The following SNX29 variants were observed in gnomAD, a reference collection of about 807,000 sequenced individuals.
The protein encoded by SNX29 is sorting nexin-29.
Under a neutral mutation model 102.1 loss-of-function variants are expected in SNX29, and 78 were observed. The ratio of observed to expected loss-of-function variants is 0.76; its 90% CI spans 0.64 to 0.92. The LOEUF is 0.92. Ranked by LOEUF, SNX29 falls within the 40% of genes least tolerant of loss-of-function variation. The probability of loss-of-function intolerance (pLI) is 0.00; values close to 1 mark genes in which losing one functional copy is unlikely to be tolerated. For missense variants in SNX29, 1,280 were observed against 1,061.7 expected (o/e 1.21, Z -2.86); for synonymous variants, 580 against 414.5 (o/e 1.40, Z -4.85).
chr16:12,527,864 G>A (rs928995449), intron 20 of SNX29, among the ~76,000 whole-genome samples: 22 of 142,994 alleles, frequency 1.5e-4, no homozygotes, highest in African/African-American at 3.9e-4. Flanking sequence ...TCGCTCTGTC[G>A]GCCAAACTGG....
intron 4 of SNX29, among the ~76,000 whole-genome samples, chr16:12,040,548 G>A (rs1347010003): frequency 2.0e-5 from 3 of 150,644 alleles, no homozygotes; most frequent in Non-Finnish European, 2.9e-5. Context: ...TCCTCAGACT[G>A]AGTAATTCGA....
intron 14 of SNX29, among the ~76,000 whole-genome samples, chr16:12,210,132 C>T (rs2077144772): frequency 1.3e-5 from 2 of 152,138 alleles, no homozygotes; most frequent in African/African-American, 4.8e-5. Flanking sequence ...CCTGTCATCC[C>T]ACTACGTCGG....
intron 20 of SNX29, among the ~76,000 whole-genome samples, chr16:12,533,836 A>C (rs755526250): frequency 6.6e-6 from 1 of 152,178 alleles, no homozygotes; most frequent in African/African-American, 2.4e-5. Context: ...CACCAGGCTG[A>C]TTCCTGTTAT....
chr16:12,200,487 CT>C (rs35068951), intron 14 of SNX29, among the ~76,000 whole-genome samples: 112,182 of 148,544 alleles, frequency 0.76, 46,320 homozygotes, highest in Non-Finnish European at 0.92. Context: ...ATTCACGTGT[CT>C]TTTTTTTTTT....
At chr16:12,506,950 C>A (rs535891192) in intron 19 of SNX29, among the ~76,000 whole-genome samples, 1 of 152,312 alleles carries the variant, frequency 6.6e-6, no homozygotes, top group Admixed American at 6.5e-5. Context: ...TCTGACAAAG[C>A]TCTGAACTGC....
At chr16:12,176,106 C>T (rs150011837) in intron 13 of SNX29, among the ~76,000 whole-genome samples, 43 of 152,292 alleles carry the variant, frequency 2.8e-4, no homozygotes, top group African/African-American at 1.0e-3. Context: ...AGGCAGCCAT[C>T]TACAAATCAA....
intron 14 of SNX29, among the ~76,000 whole-genome samples, chr16:12,274,637 A>G (rs908634874): frequency 1.2e-4 from 18 of 151,966 alleles, no homozygotes; most frequent in African/African-American, 4.4e-4. Context: ...CCGAGGCTCA[A>G]GCGATCCTTC....
chr16:12,515,451 T>C (rs2089821345), intron 19 of SNX29: 1 of 475,712 alleles, frequency 2.1e-6, no homozygotes, highest in Admixed American at 2.3e-5. Flanking sequence ...ACCCCTGAAA[T>C]AGATCAGTCA....
intron 13 of SNX29, among the ~76,000 whole-genome samples, chr16:12,188,280 A>T (rs1286781408): frequency 6.6e-6 from 1 of 152,232 alleles, no homozygotes; most frequent in African/African-American, 2.4e-5. Context: ...TACTTTCATC[A>T]TCCCATTTTA....
At chr16:12,114,982 C>G (rs973079422) in intron 11 of SNX29, among the ~76,000 whole-genome samples, 1 of 152,178 alleles carries the variant, frequency 6.6e-6, no homozygotes, top group Non-Finnish European at 1.5e-5. Context: ...TGGTGCCCTG[C>G]TAGCAGTTGC....
At chr16:12,542,277 A>T (rs1159347826) in intron 20 of SNX29, among the ~76,000 whole-genome samples, 1 of 150,680 alleles carries the variant, frequency 6.6e-6, no homozygotes, top group African/African-American at 2.4e-5. Context: ...GGCATGGAGA[A>T]ATGGAGGAAC....
intron 18 of SNX29, among the ~76,000 whole-genome samples, chr16:12,430,273 G>A (rs1335417130): frequency 6.6e-6 from 1 of 152,218 alleles, no homozygotes; most frequent in Admixed American, 6.5e-5. Flanking sequence ...GTTGGGAACT[G>A]CTGCTTTATT....
intron 18 of SNX29, among the ~76,000 whole-genome samples, chr16:12,440,591 TCCCACCCTCCA>T (rs1290917055): frequency 6.6e-6 from 1 of 152,142 alleles, no homozygotes; most frequent in Non-Finnish European, 1.5e-5. Context: ...CTCTCCCTCC[TCCCACCCTCCA>T]CCCACCAGAA....
chr16:12,121,768 T>C (rs80347318), intron 11 of SNX29, among the ~76,000 whole-genome samples: 4,135 of 152,098 alleles, frequency 0.027, 99 homozygotes, highest in East Asian at 0.14. Flanking sequence ...CAGTTTAGGG[T>C]TTCATTTAAG....
At chr16:12,003,149 G>C in intron 3 of SNX29, 106 bp downstream of exon 3, 1 of 1,411,814 alleles carries the variant, frequency 7.1e-7, no homozygotes, top group Non-Finnish European at 1.0e-6. Context: ...GGCGGCAGAA[G>C]GCGGCTGGCT....
At chr16:12,216,177 C>G (rs1480058215) in intron 14 of SNX29, among the ~76,000 whole-genome samples, 6 of 152,068 alleles carry the variant, frequency 3.9e-5, no homozygotes, top group Admixed American at 1.3e-4. Context: ...AAGATAGACA[C>G]AAGAGAAAAA....
rs1491230065 is a variant in SNX29, at chr16:12,242,368, T to TATATATA, written c.1679-35565_1679-35564insATATATA. On this transcript the variant is annotated intron_variant, in intron 14 of 20. Transcript: ENST00000566228. ...ATATATAATAATATATATATATATA[T>TATATATA]TTTTTTTTTTTTTTTAAGAAGAGGA... 6.8e-3 allele frequency among the ~76,000 whole-genome samples: 794 copies of TATATATA among 117,056 alleles called. 7 individuals are homozygous for TATATATA. The highest frequency in any genetic ancestry group is 0.025 in the African/African-American group (727 of 29,508). The allele number at this position is 117,056 out of a possible 152,430, so 76.8% of individuals were successfully genotyped here.
At chr16:12,527,786 A>G (rs1351597068) in intron 20 of SNX29, among the ~76,000 whole-genome samples, 1 of 151,056 alleles carries the variant, frequency 6.6e-6, no homozygotes, top group Non-Finnish European at 1.5e-5. Flanking sequence ...TTTAGCCAGT[A>G]TAGTGGGGTT....
Position 12,570,293 on chromosome 16 carries a change from T to G in SNX29, c.*1664T>G. 2 of 1,055,134 alleles carry G rather than the reference T, an allele frequency of 1.9e-6. No individual in the cohort carries two copies. The highest frequency in any genetic ancestry group is 2.3e-6 in the Non-Finnish European group (2 of 870,232). The allele number at this position is 1,055,134 out of a possible 1,614,324, so 65.4% of individuals were successfully genotyped here. A position where few individuals can be genotyped will look rare whatever the true frequency, so the allele number is the denominator to read the frequency against. ...GCGGACCCTGCAGTCAGTTTGCGAG[T>G]GTGGAGGACCCGAGACATCCTGTAA... On this transcript the variant is annotated 3_prime_UTR_variant, in exon 21 of 21. Coordinates refer to ENST00000566228, the MANE Select transcript of SNX29 (RefSeq NM_032167.5).
Sources: gnomAD v4.1 joint callset for allele counts (sites outside exome capture counted in the v4.1 genomes callset) on GRCh38, gnomAD v4.1.1 for gene constraint, MANE v1.5 for transcripts, NCBI Gene and HGNC (gene_info 2026-07-23, HGNC 2026-07-21) for gene names.